Variants in SRGAP2 observed in about 807,000 individuals in gnomAD.
SRGAP2 encodes SLIT-ROBO Rho GTPase activating protein 2, also known as SLIT-ROBO Rho GTPase-activating protein 2.
A neutral mutation model predicts 57.2 loss-of-function variants in SRGAP2; 15 were observed. The ratio of observed to expected loss-of-function variants is 0.26; its 90% CI spans 0.18 to 0.40. SRGAP2 has a LOEUF of 0.40. SRGAP2 is among the 10% of genes least tolerant of loss of function. The pLI is 1.00. For synonymous variants in SRGAP2, 249 were observed against 248.0 expected (o/e 1.00, Z -0.04); for missense variants, 520 against 669.6 (o/e 0.78, Z 2.47).
At chr1:206,416,464 C>T (rs1553362005) in intron 11 of SRGAP2, among the ~76,000 whole-genome samples, 1 of 152,194 alleles carries the variant, frequency 6.6e-6, no homozygotes, top group Non-Finnish European at 1.5e-5. Context: ...CAGTTTCCTT[C>T]TGCTTTGAAA....
chr1:206,416,766 C>A (rs1333794662), intron 11 of SRGAP2, among the ~76,000 whole-genome samples: 3 of 151,230 alleles, frequency 2.0e-5, no homozygotes, highest in African/African-American at 4.9e-5. Flanking sequence ...TGAATGCCGC[C>A]CCCCCCTCCC....
intron 3 of SRGAP2, among the ~76,000 whole-genome samples, chr1:206,313,095 AT>A (rs1672787109): frequency 1.4e-5 from 2 of 147,750 alleles, no homozygotes; most frequent in Admixed American, 6.7e-5. Context: ...ATACTTCTAC[AT>A]TTCTGTCCTG....
chr1:206,354,840 C>T (rs1232929135), intron 4 of SRGAP2, among the ~76,000 whole-genome samples: 1 of 147,078 alleles, frequency 6.8e-6, no homozygotes, highest in Admixed American at 6.9e-5. Flanking sequence ...CTTCCTTTTC[C>T]TCTTTCCTTC....
At chr1:206,374,263 G>T (rs1167651280) in intron 4 of SRGAP2, among the ~76,000 whole-genome samples, 1 of 151,276 alleles carries the variant, frequency 6.6e-6, no homozygotes, top group Non-Finnish European at 1.5e-5. Flanking sequence ...TGATCCGCCC[G>T]CTTCGGCCTC....
chr1:206,445,843 G>A (rs538116670), intron 17 of SRGAP2, among the ~76,000 whole-genome samples: 12 of 152,260 alleles, frequency 7.9e-5, no homozygotes, highest in Admixed American at 4.6e-4. Context: ...AGAGAGAAGG[G>A]ATCAGAGCTG....
At chr1:206,384,594 G>T (rs1656015575) in intron 5 of SRGAP2, among the ~76,000 whole-genome samples, 1 of 152,148 alleles carries the variant, frequency 6.6e-6, no homozygotes, top group South Asian at 2.1e-4. Context: ...GCTTTGCCTG[G>T]CTTCCTGGAG....
intron 4 of SRGAP2, among the ~76,000 whole-genome samples, chr1:206,372,964 C>CTTTCTTTCCTTTCTTTCTTT (rs1553342935): frequency 4.3e-5 from 1 of 23,358 alleles, no homozygotes; most frequent in African/African-American, 2.0e-4. Context: ...TCTTTTCTTT[C>CTTTCTTTCCTTTCTTTCTTT]CTTTCTTTCT....
At chr1:206,260,961 T>C (rs1267342204) in intron 2 of SRGAP2, among the ~76,000 whole-genome samples, 1 of 152,218 alleles carries the variant, frequency 6.6e-6, no homozygotes, top group Non-Finnish European at 1.5e-5. Context: ...CCTTCATAAC[T>C]TAAGAATCAT....
In SRGAP2 at chr1:206,327,700, C is replaced by G. The variant is rs554891586; in HGVS notation, c.261-15146C>G. On this transcript the variant is annotated intron_variant, in intron 3 of 22. Transcript: ENST00000573034. Reference sequence around the variant, plus strand: ...TTTATTTATTTTTTTAAAAGATAAACAGTTATTCATTTTTGTTTAAGACAT... The same window carrying G: ...TTTATTTATTTTTTTAAAAGATAAAGAGTTATTCATTTTTGTTTAAGACAT... Among the ~76,000 whole-genome samples, 15 of 113,634 alleles carry G rather than the reference C, an allele frequency of 1.3e-4. 1 individual carries two copies. Among genetic ancestry groups the G allele is most frequent in the African/African-American group, 6.3e-4 (15 of 23,668 alleles). 74.5% of individuals were successfully genotyped at this position (113,634 alleles called of 152,430 possible).
At chr1:206,442,555 G>C (rs1662402184) in intron 17 of SRGAP2, among the ~76,000 whole-genome samples, 1 of 152,196 alleles carries the variant, frequency 6.6e-6, no homozygotes, top group African/African-American at 2.4e-5. Context: ...AAGCATCCAT[G>C]CAGGGTTGCT....
At chr1:206,326,584 A>G (rs1224282890) in intron 3 of SRGAP2, among the ~76,000 whole-genome samples, 2 of 152,252 alleles carry the variant, frequency 1.3e-5, no homozygotes, top group Admixed American at 1.3e-4. Flanking sequence ...GAAAACGGTT[A>G]CTAGTCAGGA....
intron 2 of SRGAP2, among the ~76,000 whole-genome samples, chr1:206,253,677 G>A (rs1433317423): frequency 1.4e-5 from 2 of 143,794 alleles, no homozygotes; most frequent in East Asian, 4.3e-4. Flanking sequence ...CCGGGTTCAC[G>A]CCATTCTCCA....
chr1:206,383,603 C>G (rs1412900474), intron 4 of SRGAP2, among the ~76,000 whole-genome samples: 8 of 151,802 alleles, frequency 5.3e-5, no homozygotes, highest in African/African-American at 1.7e-4. Context: ...TGTTTATATA[C>G]TTTTTCCTAT....
chr1:206,325,362 G>T (rs1488559034), intron 3 of SRGAP2, among the ~76,000 whole-genome samples: 2 of 150,348 alleles, frequency 1.3e-5, no homozygotes, highest in Non-Finnish European at 3.0e-5. Context: ...TTTTTTTGTT[G>T]AGATGGGGTC....
At chr1:206,425,526 T>TTTTG (rs1553365990) in intron 13 of SRGAP2, among the ~76,000 whole-genome samples, 4 of 152,128 alleles carry the variant, frequency 2.6e-5, no homozygotes, top group African/African-American at 9.7e-5. Flanking sequence ...CCTCACTTTT[T>TTTTG]TTTTGTTTTG....
intron 15 of SRGAP2, 90 bp from the exon 16 acceptor site, chr1:206,437,874 C>T (rs1661916563): frequency 1.3e-6 from 1 of 748,510 alleles, no homozygotes. Context: ...GGGACCAGGA[C>T]ATGCATGGTT....
At chr1:206,412,775 G>A (rs1268142006) in intron 10 of SRGAP2, among the ~76,000 whole-genome samples, 1 of 152,142 alleles carries the variant, frequency 6.6e-6, no homozygotes, top group Non-Finnish European at 1.5e-5. Flanking sequence ...TTAAAGACAA[G>A]GTCACTTATC....
chr1:206,333,466 G>A (rs1553332682), intron 3 of SRGAP2: 12 of 1,485,838 alleles, frequency 8.1e-6, no homozygotes, highest in East Asian at 4.5e-5. Flanking sequence ...AGGAACCGGC[G>A]GGGCGAGGCG....
chr1:206,360,102 G>A (rs1442758873), intron 4 of SRGAP2, among the ~76,000 whole-genome samples: 4 of 152,094 alleles, frequency 2.6e-5, no homozygotes, highest in East Asian at 1.9e-4. Flanking sequence ...CACCGCGCCC[G>A]GCCGATATTG....
Sources: gnomAD v4.1 joint callset for allele counts (sites outside exome capture counted in the v4.1 genomes callset) on GRCh38, gnomAD v4.1.1 for gene constraint, MANE v1.5 for transcripts, NCBI Gene and HGNC (gene_info 2026-07-23, HGNC 2026-07-21) for gene names.